Variants in KCNJ8 observed in about 807,000 individuals in gnomAD.
KCNJ8 encodes the protein potassium inwardly rectifying channel subfamily J member 8, also known as ATP-sensitive inward rectifier potassium channel 8.
KCNJ8 carries 13 observed loss-of-function variants against 28.2 expected under a neutral mutation model. The observed-to-expected ratio is 0.46, with a 90% CI of 0.30 to 0.73. The LOEUF (loss-of-function observed/expected upper bound fraction) is 0.73, where lower values mean the gene tolerates loss of function less well. Among genes scored for constraint, KCNJ8 ranks in the 30% least tolerant of loss-of-function variants. KCNJ8 has a pLI of 0.07. For synonymous variants in KCNJ8, 188 were observed against 195.9 expected, an observed-to-expected ratio of 0.96 and a Z score of 0.34; for missense variants, 284 against 542.6, an observed-to-expected ratio of 0.52 and a Z score of 4.73.
At position 21,765,957 on chromosome 12, in the gene KCNJ8, T is replaced by C; in HGVS notation, c.1041A>G (p.Lys347=). Residue 347 remains lysine, a synonymous_variant, in exon 3 of 3, where the codon AAA becomes AAG. Transcript: ENST00000240662. ...GGGCACTGCACCGTGGAGCAGCTAC[T>C]TTAACAGTGTTGCCAAATTTGGAGT... ...VDYSKFGNTV[K]VAAPRCSARE... 6.2e-7 allele frequency: 1 copy of C among 1,614,218 alleles called. No homozygotes were observed. The highest frequency in any genetic ancestry group is 1.1e-5 in the South Asian group (1 of 91,082).
chr12:21,773,440 G>A lies in KCNJ8; in HGVS notation c.177C>T (p.Asp59=). Residue 59 remains aspartate (D), a synonymous_variant, in exon 2 of 3, where the codon GAC becomes GAT. Transcript: ENST00000240662. This position sits in a 1 kb window ranked among gnomAD's most constrained non-coding sequence, Gnocchi z 4.6. The part of the protein sequence containing the change: ...NIREQGRFLQ[D]IFTTLVDLKW... ...TCAGGTCCACCAAGGTGGTGAAGATGTCCTGTAGAAAGCGTCCTTGCTCAC... is the reference window on the plus strand; with the variant it reads ...TCAGGTCCACCAAGGTGGTGAAGATATCCTGTAGAAAGCGTCCTTGCTCAC... The A allele has an allele frequency of 5.0e-6, 8 of 1,614,266 alleles. No homozygotes were observed. Among genetic ancestry groups the A allele is most frequent in the Non-Finnish European group, 6.8e-6 (8 of 1,180,044 alleles).
At chr12:21,772,226 C>T (rs1940775723) in intron 2 of KCNJ8, among the ~76,000 whole-genome samples, 1 of 152,140 alleles carries the variant, frequency 6.6e-6, no homozygotes, top group Non-Finnish European at 1.5e-5. Context: ...TTCCTGGTAT[C>T]ATAATGCTTT....
At chr12:21,767,868 T>C (rs1479622413) in intron 2 of KCNJ8, among the ~76,000 whole-genome samples, 1 of 152,246 alleles carries the variant, frequency 6.6e-6, no homozygotes, top group Non-Finnish European at 1.5e-5. Flanking sequence ...GTGCTCACTT[T>C]GTGTCTGTGT....
At chr12:21,770,289 T>C (rs1011414208) in intron 2 of KCNJ8, among the ~76,000 whole-genome samples, 12 of 152,174 alleles carry the variant, frequency 7.9e-5, no homozygotes, top group African/African-American at 2.9e-4. Flanking sequence ...TTAAAATATT[T>C]TTTGAATTGA....
At position 21,766,168 on chromosome 12, in the gene KCNJ8, AG is replaced by A; in HGVS notation, c.829del (p.Leu277CysfsTer17). The A allele has an allele frequency of 6.2e-7, 1 of 1,614,124 alleles. No homozygotes were observed. Among genetic ancestry groups the A allele is most frequent in the Non-Finnish European group, 8.5e-7 (1 of 1,179,992 alleles). ...CAGGTCAGTTGCTGAGATGTCATAC[AG>A]GGGACTGCGCTTGTCAATCACGTGG... ...ICHVIDKRSP[L>X]YDISATDLAN... is the part of the protein sequence containing the mutation. On this transcript the variant is annotated frameshift_variant, in exon 3 of 3. Coordinates refer to ENST00000240662, the MANE Select transcript of KCNJ8 (RefSeq NM_004982.4). LOFTEE classifies it high-confidence loss of function. The surrounding 1 kb of genome is among the most constrained non-coding windows in gnomAD (Gnocchi z 6.5).
At chr12:21,770,973 A>G (rs1940742842) in intron 2 of KCNJ8, among the ~76,000 whole-genome samples, 1 of 152,250 alleles carries the variant, frequency 6.6e-6, no homozygotes, top group African/African-American at 2.4e-5. Context: ...AAGCAAGAAT[A>G]CATGGATTAT....
intron 2 of KCNJ8, among the ~76,000 whole-genome samples, chr12:21,770,032 G>A (rs1218026819): frequency 6.6e-6 from 1 of 152,192 alleles, no homozygotes; most frequent in Non-Finnish European, 1.5e-5. Context: ...TTTGAAAGAA[G>A]TTCTACTGTG....
rs1319634603 is a variant in KCNJ8 at position 21,773,570 on chromosome 12, C to A, written c.47G>T (p.Arg16Leu). 1.5e-5 allele frequency: 25 copies of A among 1,613,880 alleles called. No homozygotes were observed. In the Admixed American group the frequency reaches 4.2e-4, roughly 27 times the overall value. ...SIIPEEYVLA[R>L]IAAENLRKPR... ...CTTGCGCAGGTTCTCTGCGGCGATGCGCGCCAGCACATACTCCTCCGGGAT... is the reference window on the plus strand; with the variant it reads ...CTTGCGCAGGTTCTCTGCGGCGATGAGCGCCAGCACATACTCCTCCGGGAT... Residue 16 changes from arginine (R) to leucine (L), a missense_variant, in exon 2 of 3, where the codon CGC (arginine) becomes CTC (leucine). Arg to Leu is a moderately radical substitution (Grantham distance 102, BLOSUM62 -2). Transcript: ENST00000240662. The surrounding 1 kb of genome is among the most constrained non-coding windows in gnomAD (Gnocchi z 4.6).
At chr12:21,768,224 G>A (rs900870795) in intron 2 of KCNJ8, among the ~76,000 whole-genome samples, 3 of 152,150 alleles carry the variant, frequency 2.0e-5, no homozygotes, top group Admixed American at 6.5e-5. Flanking sequence ...GAGCTCAGGA[G>A]GTAATGTTTG....
rs1268760857 is a variant in KCNJ8 at position 21,766,649 on chromosome 12, A to G, written c.375-26T>C. The G allele has an allele frequency of 8.4e-6, 13 of 1,552,802 alleles. No homozygotes were observed. The Admixed American group carries it at 2.2e-4, about 26-fold the overall frequency. ...CTGTGAGGAATGATATCAGAAAAGA[A>G]CACCATCAGGTCACATTTTGAATAA... On this transcript the variant is annotated intron_variant, in intron 2 of 2. Coordinates refer to ENST00000240662, the MANE Select transcript of KCNJ8 (RefSeq NM_004982.4). The surrounding 1 kb of genome is among the most constrained non-coding windows in gnomAD (Gnocchi z 6.5).
At chr12:21,772,688 A>G (rs1023670739) in intron 2 of KCNJ8, among the ~76,000 whole-genome samples, 1 of 152,216 alleles carries the variant, frequency 6.6e-6, no homozygotes, top group Non-Finnish European at 1.5e-5. Flanking sequence ...GCAAGCAATC[A>G]GCTATGTTAT....
chr12:21,774,392 A>G (rs927385915), intron 1 of KCNJ8, among the ~76,000 whole-genome samples, 154 bp downstream of exon 1: 7 of 151,124 alleles, frequency 4.6e-5, no homozygotes, highest in African/African-American at 7.3e-5. Flanking sequence ...GGGGGAAAAA[A>G]CCCAAGACAA....
chr12:21,773,670 C>T lies in KCNJ8; in HGVS notation c.-54G>A. The T allele has an allele frequency of 6.2e-7, 1 of 1,604,546 alleles. No homozygotes were observed. The highest frequency in any genetic ancestry group is 1.1e-5 in the South Asian group (1 of 90,774). On this transcript the variant is annotated 5_prime_UTR_variant, in exon 2 of 3. Transcript: ENST00000240662. This position sits in a 1 kb window ranked among gnomAD's most constrained non-coding sequence, Gnocchi z 4.6. Reference sequence around the variant, plus strand: ...CCTCCCTCTCACCTGCCTCTCCGTCCCTGGACACCCGTCCTCCTGCACGAG... The same window carrying T: ...CCTCCCTCTCACCTGCCTCTCCGTCTCTGGACACCCGTCCTCCTGCACGAG...
chr12:21,767,929 C>T (rs1940670172), intron 2 of KCNJ8, among the ~76,000 whole-genome samples: 1 of 152,040 alleles, frequency 6.6e-6, no homozygotes, highest in South Asian at 2.1e-4. Flanking sequence ...ATTATTATTA[C>T]ATCAGTTACC....
intron 2 of KCNJ8, among the ~76,000 whole-genome samples, chr12:21,768,781 A>G (rs1285796001): frequency 1.3e-5 from 2 of 152,366 alleles, no homozygotes; most frequent in African/African-American, 4.8e-5. Flanking sequence ...AGGTCACAAC[A>G]TTCCCCTAAG....
chr12:21,771,189 C>T lies in KCNJ8; in HGVS notation c.374+2054G>A, dbSNP rs184509149. On this transcript the variant is annotated intron_variant, in intron 2 of 2. Coordinates refer to ENST00000240662, the MANE Select transcript of KCNJ8 (RefSeq NM_004982.4). ...CTGATTTCTGATAATGTATCCATAC[C>T]TCAGAGAGCAGTCTAATGATAAATA... is the stretch of plus-strand genomic sequence containing the variant. Among the ~76,000 whole-genome samples, 591 of 152,120 alleles carry T rather than the reference C, an allele frequency of 3.9e-3. 16 individuals carry two copies. Among genetic ancestry groups the T allele is most frequent in the Admixed American group, 0.011 (161 of 15,280 alleles).
intron 2 of KCNJ8, among the ~76,000 whole-genome samples, chr12:21,770,101 G>C (rs891370396): frequency 2.0e-5 from 3 of 152,112 alleles, no homozygotes; most frequent in Admixed American, 1.3e-4. Context: ...GAAAAGAAAA[G>C]TCAATTGTTG....
chr12:21,773,218 C>A lies in KCNJ8; in HGVS notation c.374+25G>T. ...ATTTTTTCTCTACTGTTTTCAACCC[C>A]TGCCTCATCCCACTACATTCTTACC... On this transcript the variant is annotated intron_variant, in intron 2 of 2. Coordinates refer to ENST00000240662, the MANE Select transcript of KCNJ8 (RefSeq NM_004982.4). This position sits in a 1 kb window ranked among gnomAD's most constrained non-coding sequence, Gnocchi z 4.6. 1 of 1,611,322 alleles carries A rather than the reference C, an allele frequency of 6.2e-7. No homozygotes were observed. The highest frequency in any genetic ancestry group is 1.1e-5 in the South Asian group (1 of 90,750).
rs1178528693 is a variant in KCNJ8 at position 21,765,314 on chromosome 12, T to C, written c.*409A>G. On this transcript the variant is annotated 3_prime_UTR_variant, in exon 3 of 3. Coordinates refer to ENST00000240662, the MANE Select transcript of KCNJ8 (RefSeq NM_004982.4). ...CATGATTTTGTTTTTTCCCCTCCTA[T>C]TCTATTTGCATTTCCAGAGTGATCA... 3.5e-6 allele frequency: 1 copy of C among 283,320 alleles called. No individual in the cohort carries two copies. The highest frequency in any genetic ancestry group is 6.8e-6 in the Non-Finnish European group (1 of 146,712). 17.6% of individuals were successfully genotyped at this position (283,320 alleles called of 1,614,324 possible).
Sources: gnomAD v4.1 joint callset for allele counts (sites outside exome capture counted in the v4.1 genomes callset) on GRCh38, gnomAD v4.1.1 for gene constraint, Gnocchi (gnomAD v3.1) non-coding constraint, MANE v1.5 for transcripts, NCBI Gene and HGNC (gene_info 2026-07-23, HGNC 2026-07-21) for gene names.